HM13: variants seen among roughly 807,000 people sequenced by gnomAD.
HM13 encodes the protein signal peptide peptidase.
In HM13, 18 loss-of-function variants were observed where a neutral mutation model predicts 50.0. That is an observed-to-expected ratio of 0.36 (90% CI 0.25 to 0.53). HM13 has a LOEUF of 0.53. Ranked by LOEUF, HM13 falls within the 20% of genes least tolerant of loss-of-function variation. The probability of loss-of-function intolerance (pLI) is 0.90; values close to 1 mark genes in which losing one functional copy is unlikely to be tolerated. For synonymous variants in HM13, 197 were observed against 232.6 expected (o/e 0.85, Z 1.39); for missense variants, 393 against 552.4 (o/e 0.71, Z 2.89).
chr20:31,519,703 A>G (rs1389976420), intron 1 of HM13, among the ~76,000 whole-genome samples: 1 of 152,116 alleles, frequency 6.6e-6, no homozygotes. Flanking sequence ...TTGAGTCCCC[A>G]ACTGGTCATT....
intron 2 of HM13, among the ~76,000 whole-genome samples, chr20:31,536,528 C>G (rs932691867): frequency 6.6e-6 from 1 of 152,154 alleles, no homozygotes; most frequent in African/African-American, 2.4e-5. Context: ...TCCTCTCATG[C>G]TGTCTGATCA....
chr20:31,550,105 C>T lies in HM13; in HGVS notation c.708C>T (p.Phe236=), dbSNP rs746775043. The T allele has an allele frequency of 1.5e-5, 25 of 1,613,684 alleles. No individual in the cohort carries two copies. The highest frequency in any genetic ancestry group is 2.2e-5 in the South Asian group (2 of 91,078). Residue 236 remains phenylalanine, a synonymous_variant, in exon 7 of 13, where the codon TTC becomes TTT. Transcript: ENST00000398174. The stretch of plus-strand genomic sequence containing the variant: ...TGATGGTGACAGTGGCCAAGTCCTT[C>T]GAGGCACCAATAAAATGTAAGTGAC... ...TNVMVTVAKS[F]EAPIKLVFPQ...
At chr20:31,558,889 A>G (rs1984458603) in intron 8 of HM13, among the ~76,000 whole-genome samples, 2 of 151,414 alleles carry the variant, frequency 1.3e-5, no homozygotes, top group African/African-American at 4.9e-5. Flanking sequence ...ACGTCTGGCT[A>G]ATTTTTGCTT....
At chr20:31,550,394 C>G (rs962852717) in intron 7 of HM13, 3 of 444,320 alleles carry the variant, frequency 6.8e-6, no homozygotes, top group Non-Finnish European at 1.2e-5. Context: ...TAACCCAGCC[C>G]GGGGGGCACG....
chr20:31,516,325 A>G (rs1027655353), intron 1 of HM13, among the ~76,000 whole-genome samples: 5 of 152,194 alleles, frequency 3.3e-5, no homozygotes, highest in African/African-American at 1.2e-4. Context: ...CTCTGCAGAA[A>G]ACACCTTCCA....
chr20:31,514,593 G>A lies in HM13; in HGVS notation c.42G>A (p.Glu14=). 1 of 1,603,858 alleles carries A rather than the reference G, an allele frequency of 6.2e-7. No individual in the cohort carries two copies. The highest frequency in any genetic ancestry group is 8.5e-7 in the Non-Finnish European group (1 of 1,176,802). Residue 14 remains glutamate (E), a synonymous_variant, in exon 1 of 13, where the codon GAG becomes GAA. Coordinates refer to ENST00000398174, the MANE Select transcript of HM13 (RefSeq NM_178581.3). This position sits in a 1 kb window ranked among gnomAD's most constrained non-coding sequence, Gnocchi z 4.3. ...ALSDPHNGSA[E]AGGPTNSTTR... ...GCGATCCGCATAACGGCAGTGCCGAGGCAGGCGGCCCCACCAACAGCACTA... is the reference window on the plus strand; with the variant it reads ...GCGATCCGCATAACGGCAGTGCCGAAGCAGGCGGCCCCACCAACAGCACTA...
intron 7 of HM13, among the ~76,000 whole-genome samples, chr20:31,553,150 G>T (rs1408512336): frequency 1.3e-5 from 2 of 151,060 alleles, no homozygotes; most frequent in African/African-American, 4.9e-5. Context: ...ACAAAAATTA[G>T]CCAGGCATGG....
chr20:31,568,379 C>A, intron 12 of HM13, 155 bp downstream of exon 12: 1 of 1,119,012 alleles, frequency 8.9e-7, no homozygotes, highest in Non-Finnish European at 1.2e-6. Context: ...AGTGGTTGCA[C>A]CGAGCCATAG....
At chr20:31,547,819 C>G in intron 4 of HM13, 1 of 940,964 alleles carries the variant, frequency 1.1e-6, no homozygotes, top group Non-Finnish European at 1.8e-6. Flanking sequence ...CAAATTTGTA[C>G]TCAGTGGCGC....
chr20:31,537,904 T>G (rs1432597141), intron 2 of HM13, among the ~76,000 whole-genome samples: 1 of 152,198 alleles, frequency 6.6e-6, no homozygotes, highest in African/African-American at 2.4e-5. Flanking sequence ...TGCAGCACTT[T>G]GAGCACAAAC....
chr20:31,519,977 A>G (rs1336207119), intron 1 of HM13, among the ~76,000 whole-genome samples: 2 of 151,172 alleles, frequency 1.3e-5, no homozygotes, highest in African/African-American at 2.4e-5. Flanking sequence ...CCTCTTGAGT[A>G]GCTGGGATTA....
chr20:31,551,688 G>C (rs1349470572), intron 7 of HM13, among the ~76,000 whole-genome samples: 1 of 152,218 alleles, frequency 6.6e-6, no homozygotes, highest in African/African-American at 2.4e-5. Context: ...AGGCAACAGT[G>C]AGTGCATGCC....
intron 2 of HM13, among the ~76,000 whole-genome samples, chr20:31,530,590 T>C (rs1982757543): frequency 6.6e-6 from 1 of 152,090 alleles, no homozygotes; most frequent in Non-Finnish European, 1.5e-5. Context: ...TTTGTAATTT[T>C]AGTAGAGATG....
chr20:31,545,601 C>A (rs1275717696), intron 4 of HM13, among the ~76,000 whole-genome samples: 2 of 152,056 alleles, frequency 1.3e-5, no homozygotes, highest in African/African-American at 4.8e-5. Flanking sequence ...CTCATCTCTA[C>A]AAAAAAATTG....
chr20:31,533,917 T>G (rs947055867), intron 2 of HM13, among the ~76,000 whole-genome samples: 1 of 152,186 alleles, frequency 6.6e-6, no homozygotes, highest in East Asian at 1.9e-4. Flanking sequence ...TCTTACTCTT[T>G]CACCCAGGCT....
At chr20:31,549,360 T>C in intron 6 of HM13, 28 bp downstream of exon 6, 1 of 1,613,704 alleles carries the variant, frequency 6.2e-7, no homozygotes, top group South Asian at 1.1e-5. Flanking sequence ...GCCAAGGATG[T>C]CTGGCTCCGG....
chr20:31,519,542 T>C (rs1266354983), intron 1 of HM13, among the ~76,000 whole-genome samples: 3 of 152,212 alleles, frequency 2.0e-5, no homozygotes, highest in South Asian at 2.1e-4. Context: ...ATGCTAGTTC[T>C]CTAGTATCTG....
At chr20:31,518,866 T>TATATATAG (rs531734993) in intron 1 of HM13, among the ~76,000 whole-genome samples, 2 of 149,302 alleles carry the variant, frequency 1.3e-5, no homozygotes, top group African/African-American at 5.0e-5. Flanking sequence ...CATATATATA[T>TATATATAG]AGAGAGAGAG....
intron 2 of HM13, among the ~76,000 whole-genome samples, chr20:31,531,729 C>G (rs377252381): frequency 6.6e-6 from 1 of 152,202 alleles, no homozygotes; most frequent in African/African-American, 2.4e-5. Context: ...GAGAAATGCT[C>G]TTTTTAATGG....
Sources: gnomAD v4.1 joint callset for allele counts (sites outside exome capture counted in the v4.1 genomes callset) on GRCh38, gnomAD v4.1.1 for gene constraint, Gnocchi (gnomAD v3.1) non-coding constraint, MANE v1.5 for transcripts, NCBI Gene and HGNC (gene_info 2026-07-23, HGNC 2026-07-21) for gene names.